The following TSC2 variants were observed in gnomAD, a reference collection of about 807,000 sequenced individuals.
TSC2 encodes the protein TSC complex subunit 2.
A neutral mutation model predicts 202.2 loss-of-function variants in TSC2; 29 were observed. That is an observed-to-expected ratio of 0.14 (90% confidence interval 0.11 to 0.20). The LOEUF (loss-of-function observed/expected upper bound fraction) is 0.20. TSC2 is among the 10% of genes least tolerant of loss of function. The pLI, the probability that TSC2 is intolerant of heterozygous loss-of-function variation, is 1.00. For synonymous variants in TSC2, 1,349 were observed against 1,044.0 expected (o/e 1.29, Z -5.63); for missense variants, 2,429 against 2,420.0 (o/e 1.00, Z -0.08).
chr16:2,053,016 C>T (rs1171894988), intron 3 of TSC2, among the ~76,000 whole-genome samples: 1 of 152,222 alleles, frequency 6.6e-6, no homozygotes. Context: ...AGCATTCCGG[C>T]AGCTCTAGTG....
At chr16:2,085,590 G>A (rs2151558943) in intron 36 of TSC2, among the ~76,000 whole-genome samples, 1 of 152,324 alleles carries the variant, frequency 6.6e-6, no homozygotes, top group South Asian at 2.1e-4. Flanking sequence ...TGGGGAGGGC[G>A]CTGTTGGTCA....
At chr16:2,062,906 A>G in intron 13 of TSC2, 66 bp from the exon 14 acceptor site, 2 of 1,522,078 alleles carry the variant, frequency 1.3e-6, no homozygotes, top group Non-Finnish European at 1.8e-6. Flanking sequence ...TGCGCCAGGC[A>G]GACGGGCTGG....
chr16:2,062,843 G>A, intron 13 of TSC2, 129 bp from the exon 14 acceptor site: 1 of 1,098,448 alleles, frequency 9.1e-7, no homozygotes, highest in Non-Finnish European at 1.3e-6. Flanking sequence ...CTGGGAAGCA[G>A]AGCTCTGTGC....
At chr16:2,053,587 C>G in intron 4 of TSC2, 135 bp downstream of exon 4, 1 of 898,788 alleles carries the variant, frequency 1.1e-6, no homozygotes, top group Non-Finnish European at 1.8e-6. Flanking sequence ...GGCTCTGGAG[C>G]TGGATGGCCT....
intron 8 of TSC2, 41 bp downstream of exon 8, chr16:2,056,810 C>G (rs1198171671): frequency 4.4e-6 from 7 of 1,602,022 alleles, no homozygotes; most frequent in Non-Finnish European, 5.1e-6. Context: ...CCTGAGAGCA[C>G]ATGGATGGGA....
chr16:2,078,681 A>C (rs1037088949), intron 26 of TSC2: 2 of 368,762 alleles, frequency 5.4e-6, no homozygotes, highest in Non-Finnish European at 1.0e-5. Flanking sequence ...GGCAGAATGC[A>C]ATCTGGGCCT....
At chr16:2,050,540 T>C (rs2084975998) in intron 3 of TSC2, 54 bp downstream of exon 3, 1 of 1,535,656 alleles carries the variant, frequency 6.5e-7, no homozygotes, top group East Asian at 2.3e-5. Context: ...ATTCAGAGCC[T>C]GAGTTTGCTT....
intron 17 of TSC2, among the ~76,000 whole-genome samples, chr16:2,071,229 G>A (rs759059129): frequency 9.9e-5 from 15 of 152,224 alleles, no homozygotes; most frequent in Non-Finnish European, 1.6e-4. Context: ...CCAGAGGAGC[G>A]AGGCGCCCAT....
At chr16:2,063,133 C>T (rs903611957) in intron 14 of TSC2, 80 bp downstream of exon 14, 30 of 1,501,676 alleles carry the variant, frequency 2.0e-5, no homozygotes, top group Middle Eastern at 1.8e-4. Flanking sequence ...CACGTGCTCC[C>T]GCAGAGCCGG....
Position 2,061,852 on chromosome 16 carries a change from A to C in TSC2, c.1120-19A>C. 2 of 1,614,052 alleles carry C rather than the reference A, an allele frequency of 1.2e-6. No homozygotes were observed. On this transcript the variant is annotated intron_variant, in intron 11 of 41. Coordinates refer to ENST00000219476, the MANE Select transcript of TSC2 (RefSeq NM_000548.5). ...TGGGGAGTGGAAGTCAGCCTGTGTCATCGTGCCTGGTACTGCAGACCTTGG... is the reference window on the plus strand; with the variant it reads ...TGGGGAGTGGAAGTCAGCCTGTGTCCTCGTGCCTGGTACTGCAGACCTTGG...
rs2151319848 is a variant in TSC2 at position 2,072,363 on chromosome 16, G to A, written c.2220G>A (p.Met740Ile). 1 of 1,614,010 alleles carries A rather than the reference G, an allele frequency of 6.2e-7. No individual in the cohort carries two copies. Among genetic ancestry groups the A allele is most frequent in the Non-Finnish European group, 8.5e-7 (1 of 1,179,994 alleles). ...AGCTGTGCTCTGCTCTCTGCTCCAT[G>A]GTACCATGGCCGGCCTGGGGTTGGG... ...VDQLCSALCS[M>I]LSGPKTLERL... The change falls in exon 20 of 42, where the codon ATG (methionine) becomes ATA (isoleucine). Residue 740 changes from methionine to isoleucine, a missense_variant and splice_region_variant. Transcript: ENST00000219476.
chr16:2,075,186 G>A (rs1435828246), intron 22 of TSC2: 8 of 153,682 alleles, frequency 5.2e-5, no homozygotes, highest in Admixed American at 3.8e-4. Context: ...TCACGCCACC[G>A]CACTCCAGCC....
rs112484256 is a variant in TSC2, at chr16:2,079,264, C to T, written c.3132-12C>T. The T allele has an allele frequency of 6.2e-7, 1 of 1,612,980 alleles. No individual in the cohort carries two copies. The highest frequency in any genetic ancestry group is 8.5e-7 in the Non-Finnish European group (1 of 1,180,008). ...CACGGGCAAGCTGGGTTTCACGCTC[C>T]CTGTCTTCTAGGTCTCCTGTGGGCG... is the stretch of plus-strand genomic sequence containing the variant. On this transcript the variant is annotated splice_polypyrimidine_tract_variant and intron_variant, in intron 27 of 41. Coordinates refer to ENST00000219476, the MANE Select transcript of TSC2 (RefSeq NM_000548.5). This position sits in a 1 kb window ranked among gnomAD's most constrained non-coding sequence, Gnocchi z 4.6.
chr16:2,063,474 C>T (rs932279504), intron 14 of TSC2: 6 of 303,842 alleles, frequency 2.0e-5, no homozygotes, highest in African/African-American at 8.7e-5. Flanking sequence ...CCTCTCCACT[C>T]CCTCCTCTGG....
Position 2,064,328 on chromosome 16 carries a change from A to G in TSC2, c.1500A>G (p.Lys500=). The G allele has an allele frequency of 6.2e-7, 1 of 1,613,840 alleles. No individual in the cohort carries two copies. Among genetic ancestry groups the G allele is most frequent in the Non-Finnish European group, 8.5e-7 (1 of 1,180,026 alleles). ...AGCTCTCCCACATCCCCGAGGATAA[A>G]GACCACCAGGTCCGAAAGCTGGCCA... The part of the protein sequence containing the change: ...ISQLSHIPED[K]DHQVRKLATQ... The change falls in exon 15 of 42, where the codon AAA becomes AAG. Residue 500 remains lysine (K), a synonymous_variant. Transcript: ENST00000219476.
At chr16:2,072,709 TC>T (rs2088657984) in intron 20 of TSC2, 139 bp from the exon 21 acceptor site, 2 of 1,413,126 alleles carry the variant, frequency 1.4e-6, no homozygotes, top group Non-Finnish European at 2.0e-6. Context: ...GGGAGGCCCT[TC>T]CTGGGAGGGA....
In TSC2 at chr16:2,086,231, C is replaced by T. The variant is rs763804965; in HGVS notation, c.4701C>T (p.Gly1567=). Residue 1567 remains glycine (G), a synonymous_variant, in exon 37 of 42, where the codon GGC becomes GGT. Transcript: ENST00000219476. Reference sequence around the variant, plus strand: ...TCGCCATCCTGTCCAATGAGCATGGCTCCTACAGGTACACGGAGTTCCTGA... The same window carrying T: ...TCGCCATCCTGTCCAATGAGCATGGTTCCTACAGGTACACGGAGTTCCTGA... ...SELAILSNEH[G]SYRYTEFLTG... is the part of the protein sequence containing the mutation. 6.2e-7 allele frequency: 1 copy of T among 1,612,744 alleles called. No homozygotes were observed. Among genetic ancestry groups the T allele is most frequent in the Non-Finnish European group, 8.5e-7 (1 of 1,179,950 alleles).
intron 36 of TSC2, 98 bp from the exon 37 acceptor site, chr16:2,086,095 G>C (rs2090750246): frequency 7.0e-7 from 1 of 1,438,582 alleles, no homozygotes; most frequent in Admixed American, 1.8e-5. Flanking sequence ...AGGGATCAGA[G>C]TGGGGCTCCC....
At chr16:2,061,789 G>C in intron 11 of TSC2, 82 bp from the exon 12 acceptor site, 1 of 1,609,012 alleles carries the variant, frequency 6.2e-7, no homozygotes, top group Non-Finnish European at 8.5e-7. Context: ...GTCTCCATGC[G>C]GTGGGTGTGT....
Sources: allele counts gnomAD v4.1 joint callset (sites outside exome capture counted in the v4.1 genomes callset), GRCh38; gene constraint gnomAD v4.1.1; non-coding constraint Gnocchi (gnomAD v3.1); transcripts MANE v1.5; gene names NCBI Gene and HGNC (gene_info 2026-07-23, HGNC 2026-07-21).